Variants in ADCY8 observed in about 807,000 individuals in gnomAD.
ADCY8 encodes adenylate cyclase type 8.
ADCY8 carries 51 observed loss-of-function variants against 119.7 expected under a neutral mutation model. The ratio of observed to expected loss-of-function variants is 0.43; its 90% CI spans 0.34 to 0.54. The LOEUF (loss-of-function observed/expected upper bound fraction) is 0.54, where lower values mean the gene tolerates loss of function less well. Ranked by LOEUF, ADCY8 falls within the 20% of genes least tolerant of loss-of-function variation. The pLI, the probability that ADCY8 is intolerant of heterozygous loss-of-function variation, is 0.03. For synonymous variants in ADCY8, 665 were observed against 651.0 expected (o/e 1.02, Z -0.33); for missense variants, 1,383 against 1,598.8 (o/e 0.87, Z 2.30).
At chr8:130,936,802 T>C (rs940233954) in intron 5 of ADCY8, among the ~76,000 whole-genome samples, 2 of 152,228 alleles carry the variant, frequency 1.3e-5, no homozygotes, top group African/African-American at 4.8e-5. Flanking sequence ...GTAAGGACTA[T>C]GCTCATCTTG....
intron 9 of ADCY8, among the ~76,000 whole-genome samples, chr8:130,861,169 G>A (rs1177321135): frequency 6.6e-6 from 1 of 152,102 alleles, no homozygotes; most frequent in Non-Finnish European, 1.5e-5. Context: ...TTATGGTATT[G>A]TGTTGGCTAT....
rs898776359 is a variant in ADCY8, at chr8:130,846,994, T to C, written c.2502+430A>G. Among the ~76,000 whole-genome samples the C allele has an allele frequency of 7.5e-5, 11 of 147,590 alleles. No homozygotes were observed. The Admixed American group carries it at 7.5e-4, about 10-fold the overall frequency. ...CCCTCCCTCCCTCCCTCTTTCCTTC[T>C]GCAGCAAATACTGTTTGAGAAAGAA... is the stretch of plus-strand genomic sequence containing the variant. On this transcript the variant is annotated intron_variant, in intron 11 of 17. Transcript: ENST00000286355.
At chr8:130,881,820 G>A (rs2130450437) in intron 8 of ADCY8, among the ~76,000 whole-genome samples, 1 of 151,492 alleles carries the variant, frequency 6.6e-6, no homozygotes, top group African/African-American at 2.4e-5. Flanking sequence ...TATCAACCCA[G>A]GATCATTTTA....
intron 5 of ADCY8, among the ~76,000 whole-genome samples, chr8:130,932,138 C>T (rs553926537): frequency 2.9e-4 from 44 of 152,128 alleles, no homozygotes; most frequent in Admixed American, 5.9e-4. Flanking sequence ...AAGCCTGGGG[C>T]AGCTGCAGCC....
intron 1 of ADCY8, among the ~76,000 whole-genome samples, chr8:131,015,842 C>A (rs1053210175): frequency 6.6e-6 from 1 of 152,002 alleles, no homozygotes; most frequent in Admixed American, 6.6e-5. Flanking sequence ...AAACTCAGAC[C>A]CAAATCTGAT....
chr8:130,845,225 G>A (rs1396726440), intron 11 of ADCY8, among the ~76,000 whole-genome samples: 1 of 152,108 alleles, frequency 6.6e-6, no homozygotes, highest in East Asian at 1.9e-4. Flanking sequence ...CTGTGGTCTT[G>A]TGTTTGGGGG....
At chr8:130,913,967 C>T (rs1395636771) in intron 5 of ADCY8, among the ~76,000 whole-genome samples, 24 of 152,262 alleles carry the variant, frequency 1.6e-4, no homozygotes, top group Non-Finnish European at 5.9e-5. Context: ...ATGTTAATAA[C>T]GTTGTCAAGA....
chr8:130,789,284 G>A (rs1815351911), intron 15 of ADCY8, among the ~76,000 whole-genome samples: 1 of 152,170 alleles, frequency 6.6e-6, no homozygotes, highest in Non-Finnish European at 1.5e-5. Context: ...CTCAATGTCT[G>A]TGGGCTCCCT....
chr8:130,876,008 T>A (rs563595169), intron 8 of ADCY8, among the ~76,000 whole-genome samples: 1 of 152,170 alleles, frequency 6.6e-6, no homozygotes, highest in Non-Finnish European at 1.5e-5. Context: ...TAGTTGTGTG[T>A]AGCAAACGAA....
rs144302628 is a variant in ADCY8, at chr8:130,962,333, T to C, written c.1111-10335A>G. Among the ~76,000 whole-genome samples the C allele has an allele frequency of 3.5e-4, 54 of 152,338 alleles. 1 individual carries two copies. The East Asian group carries it at 8.1e-3, about 23-fold the overall frequency. On this transcript the variant is annotated intron_variant, in intron 2 of 17. Transcript: ENST00000286355. ...GCTCTTTAATACGATTCCCAACTCC[T>C]GCTGGGGCGCAATATATCCTTTTCT...
At chr8:130,827,720 G>C (rs1407848138) in intron 12 of ADCY8, among the ~76,000 whole-genome samples, 1 of 152,156 alleles carries the variant, frequency 6.6e-6, no homozygotes, top group Non-Finnish European at 1.5e-5. Flanking sequence ...AGACAATGTA[G>C]CTGCTTCATA....
intron 2 of ADCY8, among the ~76,000 whole-genome samples, chr8:130,983,047 A>T (rs1369536064): frequency 6.6e-6 from 1 of 152,206 alleles, no homozygotes; most frequent in East Asian, 1.9e-4. Flanking sequence ...GGAACATCTC[A>T]TCCTAATGGA....
At chr8:130,825,856 C>T (rs1200375317) in intron 12 of ADCY8, among the ~76,000 whole-genome samples, 3 of 152,086 alleles carry the variant, frequency 2.0e-5, no homozygotes, top group African/African-American at 7.2e-5. Context: ...GTCTCTCTGC[C>T]TCATTATTGA....
intron 1 of ADCY8, among the ~76,000 whole-genome samples, chr8:131,021,689 G>A (rs993367465): frequency 1.3e-5 from 2 of 152,050 alleles, no homozygotes; most frequent in East Asian, 1.9e-4. Flanking sequence ...TTTTATAAGG[G>A]GCTTTTCCCT....
intron 14 of ADCY8, among the ~76,000 whole-genome samples, chr8:130,803,432 A>G (rs1563670727): frequency 6.6e-6 from 1 of 152,348 alleles, no homozygotes; most frequent in East Asian, 1.9e-4. Context: ...ACCACATGCC[A>G]TTCATCTTAT....
At chr8:131,020,411 G>A (rs1464489032) in intron 1 of ADCY8, among the ~76,000 whole-genome samples, 1 of 152,146 alleles carries the variant, frequency 6.6e-6, no homozygotes, top group East Asian at 1.9e-4. Context: ...GACTGGCCAT[G>A]GGACAGTGAG....
At chr8:131,023,111 G>C (rs1018583407) in intron 1 of ADCY8, among the ~76,000 whole-genome samples, 1 of 152,068 alleles carries the variant, frequency 6.6e-6, no homozygotes, top group Admixed American at 6.5e-5. Context: ...TTGCAATCCT[G>C]CAATATTATG....
At chr8:130,977,923 A>G (rs142861254) in intron 2 of ADCY8, among the ~76,000 whole-genome samples, 1,952 of 152,288 alleles carry the variant, frequency 0.013, 40 homozygotes, top group African/African-American at 0.044. Flanking sequence ...CCATGATTCC[A>G]TCTAATCTAT....
chr8:131,014,732 T>C (rs773196119), intron 1 of ADCY8, among the ~76,000 whole-genome samples: 2 of 152,172 alleles, frequency 1.3e-5, no homozygotes, highest in Non-Finnish European at 2.9e-5. Flanking sequence ...ACTTCAGACT[T>C]CTCATATGTT....
Sources: allele counts gnomAD v4.1 joint callset (sites outside exome capture counted in the v4.1 genomes callset), GRCh38; gene constraint gnomAD v4.1.1; transcripts MANE v1.5; gene names NCBI Gene and HGNC (gene_info 2026-07-23, HGNC 2026-07-21).